IHO1: variants seen among roughly 807,000 people sequenced by gnomAD.
IHO1 encodes the protein interactor of HORMAD1 protein 1.
Under a neutral mutation model 31.0 loss-of-function variants are expected in IHO1, and 13 were observed. That is an observed-to-expected ratio of 0.42 (90% CI 0.27 to 0.67). The LOEUF is 0.67. Among genes scored for constraint, IHO1 ranks in the 30% least tolerant of loss-of-function variants. IHO1 has a pLI of 0.24. For synonymous variants in IHO1, 221 were observed against 248.4 expected, an observed-to-expected ratio of 0.89 and a Z score of 1.04; for missense variants, 599 against 687.5, an observed-to-expected ratio of 0.87 and a Z score of 1.44.
At position 49,256,371 on chromosome 3, in the gene IHO1, G is replaced by A; in HGVS notation, c.874G>A (p.Glu292Lys). The change falls in exon 8 of 8, where the codon GAG becomes AAG. Residue 292 changes from glutamate (E) to lysine (K), a missense_variant. By Grantham distance (56) the Glu-to-Lys change is moderately conservative (BLOSUM62 1). Coordinates refer to ENST00000452691, the MANE Select transcript of IHO1 (RefSeq NM_001135197.2). This position sits in a 1 kb window ranked among gnomAD's most constrained non-coding sequence, Gnocchi z 4.6. Reference protein sequence around the residue: ...NLTRQEKYTSEKPVLWQAQAL... With the variant: ...NLTRQEKYTSKKPVLWQAQAL... Reference sequence around the variant, plus strand: ...CACCAGGCAGGAAAAATACACCTCTGAGAAACCAGTTTTATGGCAGGCCCA... The same window carrying A: ...CACCAGGCAGGAAAAATACACCTCTAAGAAACCAGTTTTATGGCAGGCCCA... 6.2e-7 allele frequency: 1 copy of A among 1,614,162 alleles called. No homozygotes were observed. Among genetic ancestry groups the A allele is most frequent in the Non-Finnish European group, 8.5e-7 (1 of 1,180,034 alleles).
At chr3:49,212,347 T>TA (rs60105146) in intron 2 of IHO1, among the ~76,000 whole-genome samples, 15 of 147,616 alleles carry the variant, frequency 1.0e-4, no homozygotes, top group Non-Finnish European at 1.8e-4. Context: ...CCATCTCCAC[T>TA]AAAAAAAAAA....
chr3:49,257,192 C>G lies in IHO1; in HGVS notation c.1695C>G (p.Leu565=). 6.2e-7 allele frequency: 1 copy of G among 1,614,170 alleles called. No individual in the cohort carries two copies. The highest frequency in any genetic ancestry group is 8.5e-7 in the Non-Finnish European group (1 of 1,180,030). The change falls in exon 8 of 8, where the codon CTC becomes CTG. Residue 565 remains leucine (L), a synonymous_variant. Transcript: ENST00000452691. ...TGAGCTGGTTCAGTGACCTCAATCT[C>G]GGATGTTCAGAGACCCCTCTATGCA... ...HQMSWFSDLN[L]GCSETPLCKE... is the part of the protein sequence containing the mutation.
chr3:49,204,773 C>T lies in IHO1; in HGVS notation c.-16+5200C>T, dbSNP rs142526831. On this transcript the variant is annotated intron_variant, in intron 1 of 7. Transcript: ENST00000452691. ...GGCGTGGTGGCTCACGCCTGTAATC[C>T]CAGCACTTTGGGAGGCTGATGTGGG... 1.3e-3 allele frequency among the ~76,000 whole-genome samples: 196 copies of T among 152,166 alleles called. 1 individual carries two copies. Among genetic ancestry groups the T allele is most frequent in the Non-Finnish European group, 2.4e-3 (162 of 68,006 alleles).
At chr3:49,209,937 C>T (rs2046186753) in intron 1 of IHO1, among the ~76,000 whole-genome samples, 1 of 151,420 alleles carries the variant, frequency 6.6e-6, no homozygotes, top group Non-Finnish European at 1.5e-5. Context: ...AGGATAGTCT[C>T]GATCTCCTGA....
chr3:49,238,733 C>T (rs1181787736), intron 3 of IHO1, among the ~76,000 whole-genome samples: 1 of 152,156 alleles, frequency 6.6e-6, no homozygotes, highest in Non-Finnish European at 1.5e-5. Context: ...GTCTTGTGAC[C>T]TTGTCATGTT....
chr3:49,204,350 G>A lies in IHO1; in HGVS notation c.-16+4777G>A, dbSNP rs1050632377. ...TTTTCATATATACTAGTTCTGCAGG[G>A]CTGGCTTCTGGACTTGAGTGTATGT... On this transcript the variant is annotated intron_variant, in intron 1 of 7. Transcript: ENST00000452691. Among the ~76,000 whole-genome samples the A allele has an allele frequency of 2.0e-5, 3 of 152,146 alleles. No individual in the cohort carries two copies. The East Asian group carries it at 5.8e-4, about 29-fold the overall frequency.
intron 6 of IHO1, chr3:49,245,745 T>TG (rs1415874046): frequency 2.6e-5 from 4 of 152,212 alleles, no homozygotes; most frequent in Non-Finnish European, 5.9e-5. Flanking sequence ...ACAAATGCCA[T>TG]GGGGTGGACT....
chr3:49,206,063 G>A (rs570123749), intron 1 of IHO1, among the ~76,000 whole-genome samples: 52 of 151,666 alleles, frequency 3.4e-4, no homozygotes, highest in Admixed American at 2.0e-3. Context: ...TCCTGGGTTC[G>A]CGCCATTCTC....
At chr3:49,221,319 T>C (rs2046353163) in intron 2 of IHO1, among the ~76,000 whole-genome samples, 1 of 151,946 alleles carries the variant, frequency 6.6e-6, no homozygotes, top group African/African-American at 2.4e-5. Flanking sequence ...GAGTGCTGAT[T>C]AGTGCGTTTA....
At chr3:49,246,523 C>T (rs1186553127) in intron 6 of IHO1, among the ~76,000 whole-genome samples, 1 of 152,002 alleles carries the variant, frequency 6.6e-6, no homozygotes, top group East Asian at 1.9e-4. Context: ...TGGCAGACAC[C>T]TGTAATCCCA....
chr3:49,257,597 C>T lies in IHO1; in HGVS notation c.*315C>T, dbSNP rs1029529025. On this transcript the variant is annotated 3_prime_UTR_variant, in exon 8 of 8. Transcript: ENST00000452691. ...CTTTGGCGAAAGGCAGGCAGGCCTC[C>T]TTATGGAATACTGTGTAGCAGAAGG... 1 of 304,476 alleles carries T rather than the reference C, an allele frequency of 3.3e-6. No individual in the cohort carries two copies. Among genetic ancestry groups the T allele is most frequent in the Admixed American group, 4.7e-5 (1 of 21,094 alleles). The allele number at this position is 304,476 out of a possible 1,614,324, so 18.9% of individuals were successfully genotyped here. A position where few individuals can be genotyped will look rare whatever the true frequency, so the allele number is the denominator to read the frequency against.
chr3:49,255,544 G>A, intron 7 of IHO1, 51 bp downstream of exon 7: 1 of 887,288 alleles, frequency 1.1e-6, no homozygotes, highest in Non-Finnish European at 1.7e-6. Flanking sequence ...CTTTGAACTA[G>A]ACCCAGAGAG....
In IHO1 at chr3:49,241,395, TA is replaced by T; in HGVS notation, c.395+9del. 6.3e-7 allele frequency: 1 copy of T among 1,592,460 alleles called. No individual in the cohort carries two copies. Among genetic ancestry groups the T allele is most frequent in the Non-Finnish European group, 8.5e-7 (1 of 1,170,938 alleles). On this transcript the variant is annotated splice_region_variant and intron_variant, in intron 4 of 7. Coordinates refer to ENST00000452691, the MANE Select transcript of IHO1 (RefSeq NM_001135197.2). The stretch of plus-strand genomic sequence containing the variant: ...GCAAAAGACAAATGTGACAGGTATG[TA>T]AACCTTTCAAATGGATGAAAGAACT...
At chr3:49,242,804 TCAAA>T (rs2046646917) in intron 4 of IHO1, among the ~76,000 whole-genome samples, 2 of 151,982 alleles carry the variant, frequency 1.3e-5, no homozygotes, top group Admixed American at 6.6e-5. Flanking sequence ...AAACTCCATC[TCAAA>T]CAAACAAGCA....
intron 6 of IHO1, among the ~76,000 whole-genome samples, chr3:49,252,819 C>T (rs959726727): frequency 8.0e-5 from 12 of 150,774 alleles, no homozygotes; most frequent in Admixed American, 7.9e-4. Flanking sequence ...CCGAGGTGGG[C>T]GAATCATGAA....
intron 2 of IHO1, among the ~76,000 whole-genome samples, chr3:49,235,231 CTTTTT>C (rs769000160): frequency 7.4e-6 from 1 of 135,026 alleles, no homozygotes; most frequent in African/African-American, 2.7e-5. Context: ...ATATATAAAT[CTTTTT>C]TTTTTTTTTT....
At chr3:49,219,428 T>C (rs575853980) in intron 2 of IHO1, among the ~76,000 whole-genome samples, 26 of 152,328 alleles carry the variant, frequency 1.7e-4, no homozygotes, top group Admixed American at 4.6e-4. Flanking sequence ...TCCCTTTGTT[T>C]CCCGTAAGGA....
rs1256420407 is a variant in IHO1, at chr3:49,235,969, G to A, written c.57-579G>A. ...AAAGATAACATTCTTGGCCCTGCAC[G>A]GTGGCTCACACCTGTAATCCCAGCA... On this transcript the variant is annotated intron_variant, in intron 2 of 7. Coordinates refer to ENST00000452691, the MANE Select transcript of IHO1 (RefSeq NM_001135197.2). Among the ~76,000 whole-genome samples the A allele has an allele frequency of 4.1e-5, 6 of 147,626 alleles. No homozygotes were observed. In the South Asian group the frequency reaches 8.7e-4, roughly 21 times the overall value.
upstream of IHO1, among the ~76,000 whole-genome samples, chr3:49,195,894 G>A: frequency 6.7e-6 from 1 of 150,336 alleles, no homozygotes; most frequent in African/African-American, 2.4e-5. Context: ...GAGGTCAGGA[G>A]ATGAGACCAT....
Sources: allele counts gnomAD v4.1 joint callset (sites outside exome capture counted in the v4.1 genomes callset), GRCh38; gene constraint gnomAD v4.1.1; non-coding constraint Gnocchi (gnomAD v3.1); transcripts MANE v1.5; gene names NCBI Gene and HGNC (gene_info 2026-07-23, HGNC 2026-07-21).